Variants in COL25A1 observed in about 807,000 individuals in gnomAD.
The protein encoded by COL25A1 is collagen type XXV alpha 1 chain, also known as collagen alpha-1(XXV) chain.
In COL25A1, 103 loss-of-function variants were observed where a neutral mutation model predicts 128.4. The observed-to-expected ratio is 0.80, with a 90% confidence interval of 0.68 to 0.94. COL25A1 has a LOEUF of 0.94. COL25A1 is among the 40% of genes least tolerant of loss of function. COL25A1 has a pLI of 0.00. For missense variants in COL25A1, 745 were observed against 840.0 expected (o/e 0.89, Z 1.40); for synonymous variants, 279 against 277.2 (o/e 1.01, Z -0.06).
At chr4:109,073,157 C>A (rs566359937) in intron 3 of COL25A1, among the ~76,000 whole-genome samples, 8 of 151,878 alleles carry the variant, frequency 5.3e-5, no homozygotes, top group African/African-American at 9.7e-5. Context: ...GGGGGAGGGG[C>A]GCATGTGCAT....
Position 108,889,399 on chromosome 4 carries a change from A to G in COL25A1, c.940-143T>C, listed in dbSNP as rs1578669574. 4 of 726,052 alleles carry G rather than the reference A, an allele frequency of 5.5e-6. No homozygotes were observed. In the East Asian group the frequency reaches 1.0e-4, roughly 19 times the overall value. The allele number at this position is 726,052 out of a possible 1,614,324, so 45.0% of individuals were successfully genotyped here. A position where few individuals can be genotyped will look rare whatever the true frequency, so the allele number is the denominator to read the frequency against. On this transcript the variant is annotated intron_variant, in intron 17 of 37. Coordinates refer to ENST00000399132, the MANE Select transcript of COL25A1 (RefSeq NM_198721.4). ...TATTTCCTTTATCCTGTGACTCTAC[A>G]TCTCACTAGACATACGGATTTTTTT...
chr4:109,053,497 A>C (rs1470868527), intron 3 of COL25A1, among the ~76,000 whole-genome samples: 1 of 152,062 alleles, frequency 6.6e-6, no homozygotes, highest in African/African-American at 2.4e-5. Context: ...AACATATGCC[A>C]CTCCATGGGC....
At chr4:108,856,201 GT>G (rs1409316131) in intron 24 of COL25A1, among the ~76,000 whole-genome samples, 1 of 152,156 alleles carries the variant, frequency 6.6e-6, no homozygotes, top group African/African-American at 2.4e-5. Context: ...AACAGGTTTA[GT>G]TTAGATGGCG....
chr4:108,901,230 G>T, intron 13 of COL25A1, 58 bp from the exon 14 acceptor site: 1 of 1,166,608 alleles, frequency 8.6e-7, no homozygotes, highest in Non-Finnish European at 1.3e-6. Flanking sequence ...TACATTACAT[G>T]GATCATTAGA....
chr4:109,237,600 A>T (rs751098613), intron 3 of COL25A1, among the ~76,000 whole-genome samples: 14 of 152,002 alleles, frequency 9.2e-5, no homozygotes, highest in Non-Finnish European at 1.8e-4. Context: ...TATACTGGTA[A>T]AGGAATGGCT....
intron 24 of COL25A1, among the ~76,000 whole-genome samples, chr4:108,855,488 T>C (rs1736382520): frequency 6.6e-6 from 1 of 152,068 alleles, no homozygotes; most frequent in African/African-American, 2.4e-5. Flanking sequence ...CATGTTACTT[T>C]TTAACTAGAA....
intron 5 of COL25A1, among the ~76,000 whole-genome samples, chr4:109,019,441 A>G (rs532449796): frequency 7.5e-5 from 11 of 145,756 alleles, no homozygotes; most frequent in African/African-American, 2.5e-4. Context: ...ACCCCAACAT[A>G]CCAAGACTGG....
At chr4:109,174,734 C>T (rs188991255) in intron 3 of COL25A1, among the ~76,000 whole-genome samples, 16 of 152,290 alleles carry the variant, frequency 1.1e-4, no homozygotes, top group African/African-American at 3.8e-4. Flanking sequence ...AAAAGGAAGG[C>T]AATTAAAACA....
intron 5 of COL25A1, among the ~76,000 whole-genome samples, chr4:109,015,425 C>T (rs1325929252): frequency 1.3e-5 from 2 of 152,030 alleles, no homozygotes; most frequent in African/African-American, 4.8e-5. Flanking sequence ...AATGGAATTC[C>T]TGAAAAGATC....
At chr4:108,901,015 T>C in intron 14 of COL25A1, 104 bp downstream of exon 14, 2 of 838,632 alleles carry the variant, frequency 2.4e-6, no homozygotes, top group African/African-American at 1.7e-5. Context: ...AATACCCATG[T>C]AAGTGCAACT....
intron 3 of COL25A1, among the ~76,000 whole-genome samples, chr4:109,208,590 TTTTAA>T (rs60838748): frequency 0.1 from 15,580 of 152,104 alleles, 1,809 homozygotes; most frequent in African/African-American, 0.29. Context: ...TTTTTTTAAC[TTTTAA>T]TATACTGTTT....
intron 3 of COL25A1, among the ~76,000 whole-genome samples, chr4:109,060,316 T>C (rs1488475717): frequency 6.6e-6 from 1 of 152,088 alleles, no homozygotes; most frequent in East Asian, 1.9e-4. Flanking sequence ...CTCTAATCCT[T>C]TTCAGCCTAC....
At chr4:108,829,473 C>T (rs1026691589) in intron 32 of COL25A1, among the ~76,000 whole-genome samples, 9 of 151,960 alleles carry the variant, frequency 5.9e-5, no homozygotes, top group African/African-American at 1.9e-4. Context: ...CGCCCACACA[C>T]GCACGTGTAG....
intron 6 of COL25A1, among the ~76,000 whole-genome samples, chr4:108,985,096 G>T (rs1244610293): frequency 6.6e-6 from 1 of 152,132 alleles, no homozygotes; most frequent in Non-Finnish European, 1.5e-5. Context: ...ATGTATATTG[G>T]ATCTCCCTCC....
chr4:109,013,484 C>CCACACTGTAGGCTTTGTTCTT (rs1561025482), intron 5 of COL25A1, among the ~76,000 whole-genome samples: 1 of 151,080 alleles, frequency 6.6e-6, no homozygotes, highest in African/African-American at 2.4e-5. Flanking sequence ...GAGTCCCCTT[C>CCACACTGTAGGCTTTGTTCTT]CACACTGTGT....
intron 3 of COL25A1, among the ~76,000 whole-genome samples, chr4:109,279,317 T>C (rs1037740338): frequency 2.6e-5 from 4 of 152,152 alleles, no homozygotes; most frequent in Non-Finnish European, 4.4e-5. Context: ...TTTTAAAAAA[T>C]ATACCTCTCC....
intron 13 of COL25A1, among the ~76,000 whole-genome samples, chr4:108,902,388 T>A (rs1301175992): frequency 6.6e-6 from 1 of 151,988 alleles, no homozygotes; most frequent in Non-Finnish European, 1.5e-5. Context: ...ACAACTACAG[T>A]CAGGACTTGA....
intron 3 of COL25A1, among the ~76,000 whole-genome samples, chr4:109,284,614 T>C (rs1020587517): frequency 5.3e-5 from 8 of 152,180 alleles, no homozygotes; most frequent in Non-Finnish European, 8.8e-5. Flanking sequence ...TGTGCTGAAC[T>C]TTCTCACGCT....
intron 35 of COL25A1, 77 bp from the exon 36 acceptor site, chr4:108,819,406 A>G: frequency 1.7e-6 from 2 of 1,204,860 alleles, no homozygotes; most frequent in African/African-American, 1.5e-5. Context: ...AGAAGTAACT[A>G]CAACAACAAA....
Sources: gnomAD v4.1 joint callset for allele counts (sites outside exome capture counted in the v4.1 genomes callset) on GRCh38, gnomAD v4.1.1 for gene constraint, MANE v1.5 for transcripts, NCBI Gene and HGNC (gene_info 2026-07-23, HGNC 2026-07-21) for gene names.